Variants in DENND1B observed in about 807,000 individuals in gnomAD.
DENND1B encodes DENN domain containing 1B, also known as DENN domain-containing protein 1B.
Under a neutral mutation model 90.1 loss-of-function variants are expected in DENND1B, and 59 were observed. The ratio of observed to expected loss-of-function variants is 0.65; its 90% confidence interval spans 0.53 to 0.81. DENND1B has a LOEUF of 0.81. DENND1B is among the 40% of genes least tolerant of loss of function. The pLI, the probability that DENND1B is intolerant of heterozygous loss-of-function variation, is 0.00. For synonymous variants in DENND1B, 337 were observed against 324.6 expected, an observed-to-expected ratio of 1.04 and a Z score of -0.41; for missense variants, 862 against 912.6, an observed-to-expected ratio of 0.94 and a Z score of 0.71.
chr1:197,773,579 T>A (rs1440035411), intron 1 of DENND1B, among the ~76,000 whole-genome samples: 1 of 152,244 alleles, frequency 6.6e-6, no homozygotes, highest in Admixed American at 6.5e-5. Flanking sequence ...AAAAGCCTTC[T>A]TTTTATCCAT....
At position 197,567,993 on chromosome 1, in the gene DENND1B, G is replaced by A. The variant is rs534861232; in HGVS notation, c.1150-14881C>T. 6.6e-5 allele frequency among the ~76,000 whole-genome samples: 10 copies of A among 151,020 alleles called. No homozygotes were observed. The South Asian group carries it at 1.9e-3, about 29-fold the overall frequency. On this transcript the variant is annotated intron_variant, in intron 15 of 22. Coordinates refer to ENST00000620048, the MANE Select transcript of DENND1B (RefSeq NM_001195215.2). ...TAAAAGGCATCCAAACTGGGGAGAT[G>A]AGGGGAGGGAGGGAAGGAAGGAAGG...
intron 2 of DENND1B, among the ~76,000 whole-genome samples, chr1:197,770,724 A>G (rs1031112944): frequency 5.6e-5 from 8 of 141,868 alleles, no homozygotes; most frequent in African/African-American, 2.1e-4. Flanking sequence ...ATATATATCT[A>G]TAAATATATA....
At chr1:197,737,796 GAA>G (rs61657549) in intron 2 of DENND1B, among the ~76,000 whole-genome samples, 67,474 of 151,798 alleles carry the variant, frequency 0.44, 15,504 homozygotes, top group East Asian at 0.65. Context: ...TTCAAAAAAA[GAA>G]AAACAAGTAA....
At chr1:197,677,192 G>A (rs1036413674) in intron 3 of DENND1B, among the ~76,000 whole-genome samples, 2 of 151,974 alleles carry the variant, frequency 1.3e-5, no homozygotes, top group African/African-American at 2.4e-5. Flanking sequence ...ATTTCAGAGC[G>A]TTCTCTGAAA....
At chr1:197,778,633 T>C (rs1238712976), upstream of DENND1B, among the ~76,000 whole-genome samples, 2 of 151,694 alleles carry the variant, frequency 1.3e-5, no homozygotes, top group Non-Finnish European at 2.9e-5. Context: ...GCCAAGATCA[T>C]GCCGCTGCAT....
intron 14 of DENND1B, among the ~76,000 whole-genome samples, chr1:197,586,408 A>C (rs1674700696): frequency 6.6e-6 from 1 of 152,202 alleles, no homozygotes; most frequent in South Asian, 2.1e-4. Context: ...TTTAATTTCT[A>C]ATATGGTAAG....
In DENND1B at chr1:197,510,897, G is replaced by C. The variant is rs1422805576; in HGVS notation, c.1891C>G (p.Leu631Val). ...TGGAGGGCACTATCGTCTTGCCCAA[G>C]ATTCCACTCTGCTTGGTCACCAGAA... is the stretch of plus-strand genomic sequence containing the variant. ...GGSGDQAEWNLGQDDSALHGK... is the reference protein window; with the variant it reads ...GGSGDQAEWNVGQDDSALHGK... The change falls in exon 23 of 23, where the codon CTT (leucine) becomes GTT (valine). Residue 631 changes from leucine to valine, a missense_variant. Physicochemically the swap from Leu to Val is conservative, Grantham distance 32. Coordinates refer to ENST00000620048, the MANE Select transcript of DENND1B (RefSeq NM_001195215.2). 1 of 1,602,524 alleles carries C rather than the reference G, an allele frequency of 6.2e-7. No homozygotes were observed. Among genetic ancestry groups the C allele is most frequent in the Non-Finnish European group, 8.5e-7 (1 of 1,175,036 alleles).
At chr1:197,595,487 G>T (rs1010334088) in intron 13 of DENND1B, among the ~76,000 whole-genome samples, 154 bp from the exon 14 acceptor site, 2 of 152,116 alleles carry the variant, frequency 1.3e-5, no homozygotes, top group African/African-American at 4.8e-5. Context: ...GAGAGCACCT[G>T]CTGGTCTGTT....
intron 20 of DENND1B, among the ~76,000 whole-genome samples, chr1:197,521,101 T>C (rs138814824): frequency 1.5e-4 from 22 of 151,630 alleles, no homozygotes; most frequent in Middle Eastern, 6.8e-3. Flanking sequence ...AAGAAAAAAA[T>C]GTAAGAAAAT....
intron 5 of DENND1B, among the ~76,000 whole-genome samples, chr1:197,661,563 T>C (rs989126449): frequency 6.6e-6 from 1 of 152,100 alleles, no homozygotes; most frequent in Non-Finnish European, 1.5e-5. Flanking sequence ...AAGCAAAATG[T>C]ATTGATTGTA....
chr1:197,572,695 G>T (rs553812310), intron 15 of DENND1B, among the ~76,000 whole-genome samples: 8 of 152,280 alleles, frequency 5.3e-5, no homozygotes, highest in Non-Finnish European at 1.2e-4. Context: ...CAGGTACCCC[G>T]CTGGGACGAA....
intron 18 of DENND1B, among the ~76,000 whole-genome samples, chr1:197,545,198 G>T (rs1357688579): frequency 6.6e-6 from 1 of 151,752 alleles, no homozygotes; most frequent in Non-Finnish European, 1.5e-5. Flanking sequence ...TGAGGTCAGG[G>T]GTTTGAGACC....
intron 15 of DENND1B, among the ~76,000 whole-genome samples, chr1:197,556,804 G>T (rs1295828527): frequency 6.6e-6 from 1 of 151,886 alleles, no homozygotes; most frequent in Non-Finnish European, 1.5e-5. Context: ...CCCAATAAAT[G>T]CTAAATAATA....
At chr1:197,735,975 G>C in intron 2 of DENND1B, 1 of 1,280,754 alleles carries the variant, frequency 7.8e-7, no homozygotes, top group Non-Finnish European at 1.1e-6. Flanking sequence ...GGCTGCTAAG[G>C]AAGCAAAAAA....
At chr1:197,654,425 T>C (rs543253892) in intron 6 of DENND1B, among the ~76,000 whole-genome samples, 1 of 151,982 alleles carries the variant, frequency 6.6e-6, no homozygotes, top group South Asian at 2.1e-4. Context: ...GCCTGGCCAA[T>C]ACAGTGAAAC....
chr1:197,560,250 G>C (rs999645542), intron 15 of DENND1B, among the ~76,000 whole-genome samples: 1 of 151,796 alleles, frequency 6.6e-6, no homozygotes, highest in Non-Finnish European at 1.5e-5. Flanking sequence ...GGAATATTTC[G>C]CTGAATATAT....
chr1:197,553,189 G>A, intron 15 of DENND1B, 77 bp from the exon 16 acceptor site: 2 of 1,224,282 alleles, frequency 1.6e-6, no homozygotes, highest in Non-Finnish European at 2.2e-6. Context: ...CATTTTATAA[G>A]GTTAGATTTT....
chr1:197,613,566 G>A (rs1473191478), intron 11 of DENND1B, among the ~76,000 whole-genome samples: 3 of 150,706 alleles, frequency 2.0e-5, no homozygotes, highest in Non-Finnish European at 3.0e-5. Context: ...AAGGAAACAG[G>A]AGGAACAAAT....
chr1:197,748,774 A>G (rs969031356), intron 2 of DENND1B, among the ~76,000 whole-genome samples: 16 of 152,210 alleles, frequency 1.1e-4, no homozygotes, highest in Non-Finnish European at 2.2e-4. Flanking sequence ...CAGCCTTCTA[A>G]TTTCCAAAAC....
Sources: allele counts gnomAD v4.1 joint callset (sites outside exome capture counted in the v4.1 genomes callset), GRCh38; gene constraint gnomAD v4.1.1; transcripts MANE v1.5; gene names NCBI Gene and HGNC (gene_info 2026-07-23, HGNC 2026-07-21).